The following EPHX3 variants were observed in gnomAD, a reference collection of about 807,000 sequenced individuals.
EPHX3 encodes the protein epoxide hydrolase 3, also known as abhydrolase domain containing 9.
A neutral mutation model predicts 40.2 loss-of-function variants in EPHX3; 39 were observed. The ratio of observed to expected loss-of-function variants is 0.97; its 90% CI spans 0.75 to 1.27. The LOEUF (loss-of-function observed/expected upper bound fraction) is 1.27, where lower values mean the gene tolerates loss of function less well. Among genes scored for constraint, EPHX3 ranks in the 50% most tolerant of loss-of-function variants. The pLI is 0.00. For synonymous variants in EPHX3, 213 were observed against 209.7 expected, an observed-to-expected ratio of 1.02 and a Z score of -0.14; for missense variants, 442 against 474.0, an observed-to-expected ratio of 0.93 and a Z score of 0.63.
At chr19:15,235,729 G>C (rs1478849136), upstream of EPHX3, 2 of 152,168 alleles carry the variant, frequency 1.3e-5, no homozygotes, top group East Asian at 1.9e-4. Flanking sequence ...TCTTACTCTG[G>C]TATAGGACTA....
Position 15,232,294 on chromosome 19 carries a change from C to G in EPHX3, c.-83G>C. 1.4e-6 allele frequency: 2 copies of G among 1,405,270 alleles called. No homozygotes were observed. The highest frequency in any genetic ancestry group is 9.1e-7 in the Non-Finnish European group (1 of 1,093,002). 87.1% of individuals were successfully genotyped at this position (1,405,270 alleles called of 1,614,324 possible). ...CGAAGCGGTGTCAGGGCTCAGGGGC[C>G]CATCGCCCTTGGCCTGGGGCCCCTC... On this transcript the variant is annotated 5_prime_UTR_variant, in exon 1 of 7. Coordinates refer to ENST00000221730, the MANE Select transcript of EPHX3 (RefSeq NM_024794.3).
chr19:15,227,243 G>A lies in EPHX3; in HGVS notation c.*194C>T. ...TACACACACATGCATCCATGCCTGT[G>A]TGTGAGTATAGGGGTTGGTGTGTCC... On this transcript the variant is annotated 3_prime_UTR_variant, in exon 7 of 7. Transcript: ENST00000221730. 6 of 597,158 alleles carry A rather than the reference G, an allele frequency of 1.0e-5. No individual in the cohort carries two copies. The highest frequency in any genetic ancestry group is 1.8e-5 in the Non-Finnish European group (6 of 334,514). The allele number at this position is 597,158 out of a possible 1,614,324, so 37.0% of individuals were successfully genotyped here.
At position 15,227,366 on chromosome 19, in the gene EPHX3, G is replaced by A. The variant is rs2047119234; in HGVS notation, c.*71C>T. ...TGTATGGACATTGTATGGACTCCCA[G>A]GCACACACAGATAATGGGTGTGTGT... is the stretch of plus-strand genomic sequence containing the variant. On this transcript the variant is annotated 3_prime_UTR_variant, in exon 7 of 7. Coordinates refer to ENST00000221730, the MANE Select transcript of EPHX3 (RefSeq NM_024794.3). 2.4e-6 allele frequency: 3 copies of A among 1,268,118 alleles called. No homozygotes were observed. The highest frequency in any genetic ancestry group is 1.7e-5 in the Admixed American group (1 of 57,158). The allele number at this position is 1,268,118 out of a possible 1,614,324, so 78.6% of individuals were successfully genotyped here.
chr19:15,229,681 T>G (rs900617203), intron 4 of EPHX3, among the ~76,000 whole-genome samples: 11 of 149,128 alleles, frequency 7.4e-5, no homozygotes, highest in African/African-American at 2.7e-4. Context: ...GATCACAAGG[T>G]CAGGAGATCA....
At position 15,231,330 on chromosome 19, in the gene EPHX3, T is replaced by TCG. The variant is rs780612040; in HGVS notation, c.394_395dup (p.Gly133GlufsTer29). The TCG allele has an allele frequency of 6.2e-7, 1 of 1,613,864 alleles. No individual in the cohort carries two copies. The highest frequency in any genetic ancestry group is 2.2e-5 in the East Asian group (1 of 44,870). The stretch of plus-strand genomic sequence containing the variant: ...GAGGTGCATCCGAGGGGCCATAGCC[T>TCG]CGCAAGTCCACAGCCACAACATGGA... On this transcript the variant is annotated frameshift_variant, in exon 3 of 7. Coordinates refer to ENST00000221730, the MANE Select transcript of EPHX3 (RefSeq NM_024794.3). LOFTEE classifies it high-confidence loss of function.
In EPHX3 at chr19:15,228,089, G is replaced by A. The variant is rs768709150; in HGVS notation, c.628C>T (p.His210Tyr). The part of the protein sequence containing the change: ...PMSVYQDYSL[H>Y]HISQFFRSHY... ...GAACGGAAGAACTGGCTGATGTGGT[G>A]CAGGGAATAGTCTGGGGTGGGAGGG... The change falls in exon 5 of 7, where the codon CAC (histidine) becomes TAC (tyrosine). Residue 210 changes from histidine (H) to tyrosine (Y), a missense_variant. Physicochemically the swap from His to Tyr is moderately conservative, Grantham distance 83. Coordinates refer to ENST00000221730, the MANE Select transcript of EPHX3 (RefSeq NM_024794.3). 5 of 1,478,666 alleles carry A rather than the reference G, an allele frequency of 3.4e-6. No homozygotes were observed. The highest frequency in any genetic ancestry group is 2.8e-5 in the African/African-American group (2 of 71,754). 91.6% of individuals were successfully genotyped at this position (1,478,666 alleles called of 1,614,324 possible).
chr19:15,229,313 G>C (rs1461135993), intron 4 of EPHX3, among the ~76,000 whole-genome samples: 1 of 151,750 alleles, frequency 6.6e-6, no homozygotes, highest in African/African-American at 2.4e-5. Context: ...CCAGGAGGTA[G>C]AGGTTGCCAG....
chr19:15,231,316 G>A lies in EPHX3; in HGVS notation c.410C>T (p.Ser137Leu), dbSNP rs1245327306. 1.2e-6 allele frequency: 2 copies of A among 1,613,922 alleles called. No individual in the cohort carries two copies. Among genetic ancestry groups the A allele is most frequent in the Admixed American group, 1.7e-5 (1 of 60,016 alleles). ...VAVDLRGYGP[S>L]DAPRDVDCYT... ...GCAGTCCACATCCCGAGGTGCATCC[G>A]AGGGGCCATAGCCTCGCAAGTCCAC... The change falls in exon 3 of 7, where the codon TCG (serine) becomes TTG (leucine). Residue 137 changes from serine (S) to leucine (L), a missense_variant. Ser to Leu is a moderately radical substitution (Grantham distance 145, BLOSUM62 -2). Coordinates refer to ENST00000221730, the MANE Select transcript of EPHX3 (RefSeq NM_024794.3).
At chr19:15,231,656 CT>C (rs1359622232) in intron 2 of EPHX3, 119 bp downstream of exon 2, 21 of 1,123,948 alleles carry the variant, frequency 1.9e-5, no homozygotes, top group Middle Eastern at 2.0e-4. Context: ...CTCAGTACCC[CT>C]ATCCCCATCT....
intron 4 of EPHX3, among the ~76,000 whole-genome samples, chr19:15,229,876 A>G (rs1568371692): frequency 7.4e-6 from 1 of 134,838 alleles, no homozygotes; most frequent in Non-Finnish European, 1.6e-5. Context: ...ACAGAGCAAG[A>G]CTCTGTCTCA....
chr19:15,231,230 T>G lies in EPHX3; in HGVS notation c.487+9A>C, dbSNP rs757797722. The G allele has an allele frequency of 6.2e-6, 10 of 1,613,858 alleles. No homozygotes were observed. Among genetic ancestry groups the G allele is most frequent in the Non-Finnish European group, 8.5e-6 (10 of 1,179,956 alleles). On this transcript the variant is annotated intron_variant, in intron 3 of 6. Coordinates refer to ENST00000221730, the MANE Select transcript of EPHX3 (RefSeq NM_024794.3). The stretch of plus-strand genomic sequence containing the variant: ...GGAGGCCACGCCTAGGATGGGGGTA[T>G]GTCTGCACCCAGGCCTAGGATGACA...
At chr19:15,236,565 G>C (rs2047193551), upstream of EPHX3, 2 of 153,374 alleles carry the variant, frequency 1.3e-5, no homozygotes, top group South Asian at 4.1e-4. Flanking sequence ...ATACTGTCTG[G>C]AGTCTGGCCA....
upstream of EPHX3, among the ~76,000 whole-genome samples, chr19:15,235,269 A>T (rs1026110208): frequency 1.2e-4 from 18 of 151,898 alleles, no homozygotes; most frequent in African/African-American, 4.4e-4. Flanking sequence ...GCCTCCCAAA[A>T]GTGCTGGGAT....
chr19:15,231,406 G>A lies in EPHX3; in HGVS notation c.330-10C>T, dbSNP rs1234298032. 6 of 1,612,536 alleles carry A rather than the reference G, an allele frequency of 3.7e-6. No homozygotes were observed. Among genetic ancestry groups the A allele is most frequent in the African/African-American group, 2.7e-5 (2 of 74,884 alleles). On this transcript the variant is annotated splice_polypyrimidine_tract_variant and intron_variant, in intron 2 of 6. Coordinates refer to ENST00000221730, the MANE Select transcript of EPHX3 (RefSeq NM_024794.3). ...GTAACGCCAGGAGAACCTGCCAGGC[G>A]GGCGAGGGAGGGAGGCTGAGTCAGG...
At chr19:15,227,728 C>G in intron 6 of EPHX3, 43 bp downstream of exon 6, 1 of 1,609,720 alleles carries the variant, frequency 6.2e-7, no homozygotes, top group Non-Finnish European at 8.5e-7. Context: ...CACCCCCCTG[C>G]CCCTGCAAAT....
Position 15,232,431 on chromosome 19 carries a change from G to A in EPHX3, c.-220C>T. On this transcript the variant is annotated 5_prime_UTR_variant, in exon 1 of 7. Transcript: ENST00000221730. The stretch of plus-strand genomic sequence containing the variant: ...GCCAGGTAAACACCTGGGCGCGACA[G>A]GGACAGGAAACAAGGGTAGGGTGCG... The A allele has an allele frequency of 1.5e-6, 2 of 1,351,714 alleles. No homozygotes were observed. The highest frequency in any genetic ancestry group is 4.0e-5 in the Admixed American group (1 of 25,126). The allele number at this position is 1,351,714 out of a possible 1,614,324, so 83.7% of individuals were successfully genotyped here.
rs2047124517 is a variant in EPHX3 at position 15,227,872 on chromosome 19, G to A, written c.756C>T (p.Gly252=). 1 of 1,614,110 alleles carries A rather than the reference G, an allele frequency of 6.2e-7. No individual in the cohort carries two copies. The highest frequency in any genetic ancestry group is 1.3e-5 in the African/African-American group (1 of 75,026). ...LKTTLTHRKT[G]IPCLTPSELE... Reference sequence around the variant, plus strand: ...GCTCGCTGGGGGTCAAGCATGGGATGCCTGTCTTGCGGTGGGTGAGGGTGG... The same window carrying A: ...GCTCGCTGGGGGTCAAGCATGGGATACCTGTCTTGCGGTGGGTGAGGGTGG... The change falls in exon 6 of 7, where the codon GGC becomes GGT. Residue 252 remains glycine (G), a synonymous_variant. Coordinates refer to ENST00000221730, the MANE Select transcript of EPHX3 (RefSeq NM_024794.3).
upstream of EPHX3, chr19:15,232,773 A>T (rs2047165050): frequency 6.5e-6 from 1 of 153,818 alleles, no homozygotes; most frequent in Admixed American, 6.5e-5. Flanking sequence ...GCTACTTGGG[A>T]GGCTGAGGCA....
At chr19:15,232,919 C>A (rs1359101753), upstream of EPHX3, 1 of 151,298 alleles carries the variant, frequency 6.6e-6, no homozygotes, top group African/African-American at 2.4e-5. Context: ...CCCAGACAAA[C>A]CTTAAGGAGG....
Sources: allele counts gnomAD v4.1 joint callset (sites outside exome capture counted in the v4.1 genomes callset), GRCh38; gene constraint gnomAD v4.1.1; transcripts MANE v1.5; gene names NCBI Gene and HGNC (gene_info 2026-07-23, HGNC 2026-07-21).